PLEKHD1: variants seen among roughly 807,000 people sequenced by gnomAD.
PLEKHD1 encodes pleckstrin homology and coiled-coil domain containing D1, also known as pleckstrin homology domain-containing family D member 1.
PLEKHD1 carries 51 observed loss-of-function variants against 69.2 expected under a neutral mutation model. That is an observed-to-expected ratio of 0.74 (90% CI 0.59 to 0.93). The LOEUF is 0.93. Among genes scored for constraint, PLEKHD1 ranks in the 40% least tolerant of loss-of-function variants. The pLI is 0.00. For synonymous variants in PLEKHD1, 236 were observed against 244.7 expected (o/e 0.96, Z 0.33); for missense variants, 584 against 641.0 (o/e 0.91, Z 0.96).
chr14:69,470,500 C>T, the PLEKHD1 span, among the ~76,000 whole-genome samples: 314 of 151,632 alleles, frequency 2.1e-3, 1 homozygote, highest in African/African-American at 7.1e-3. Context: ...TTTGAATCCA[C>T]GTCTGTCTGA....
chr14:69,516,350 G>C (rs1056406008), intron 6 of PLEKHD1, among the ~76,000 whole-genome samples: 6 of 151,794 alleles, frequency 4.0e-5, no homozygotes, highest in Non-Finnish European at 8.8e-5. Context: ...CAAACTTTTT[G>C]GTGCTTTTCA....
chr14:69,501,893 G>T, intron 5 of PLEKHD1, 68 bp downstream of exon 5: 1 of 1,362,150 alleles, frequency 7.3e-7, no homozygotes, highest in Admixed American at 2.1e-5. Flanking sequence ...CCAGGGGCTT[G>T]GTAAAGGATG....
At chr14:69,494,771 G>T (rs987159345) in intron 1 of PLEKHD1, among the ~76,000 whole-genome samples, 1 of 152,206 alleles carries the variant, frequency 6.6e-6, no homozygotes, top group African/African-American at 2.4e-5. Context: ...AAGAGGAAGT[G>T]TACCTCTGTG....
intron 6 of PLEKHD1, among the ~76,000 whole-genome samples, chr14:69,515,428 A>T (rs1433859319): frequency 6.6e-6 from 1 of 152,162 alleles, no homozygotes; most frequent in Admixed American, 6.5e-5. Flanking sequence ...ACTGGTTCCC[A>T]TGGAGGTTTC....
In PLEKHD1 at chr14:69,502,820, T is replaced by G; in HGVS notation, c.503-7T>G. 1 of 1,551,560 alleles carries G rather than the reference T, an allele frequency of 6.4e-7. No homozygotes were observed. Among genetic ancestry groups the G allele is most frequent in the Non-Finnish European group, 8.7e-7 (1 of 1,146,932 alleles). Reference sequence around the variant, plus strand: ...GTGCATGTGTGTGTGTGTGCTTGTTTTGGCAGACAAACTGATGGAAGAGAC... The same window carrying G: ...GTGCATGTGTGTGTGTGTGCTTGTTGTGGCAGACAAACTGATGGAAGAGAC... On this transcript the variant is annotated splice_region_variant and splice_polypyrimidine_tract_variant and intron_variant, in intron 5 of 12. Transcript: ENST00000322564.
upstream of PLEKHD1, among the ~76,000 whole-genome samples, chr14:69,480,317 C>G (rs2139484157): frequency 6.6e-6 from 1 of 152,348 alleles, no homozygotes; most frequent in Admixed American, 6.5e-5. Flanking sequence ...GCTTCTTGGC[C>G]CCTCAGGGAT....
upstream of PLEKHD1, among the ~76,000 whole-genome samples, chr14:69,481,184 G>A (rs1372063267): frequency 6.6e-6 from 1 of 152,214 alleles, no homozygotes; most frequent in African/African-American, 2.4e-5. Flanking sequence ...ATAGCAGGAT[G>A]TGGTGGCGTG....
At chr14:69,473,713 C>T in the PLEKHD1 span, among the ~76,000 whole-genome samples, 104 of 152,198 alleles carry the variant, frequency 6.8e-4, no homozygotes, top group African/African-American at 2.5e-3. Context: ...TGAGGAATCC[C>T]GACAAATTCA....
intron 1 of PLEKHD1, among the ~76,000 whole-genome samples, chr14:69,495,141 C>A (rs1195992533): frequency 6.6e-6 from 1 of 152,200 alleles, no homozygotes; most frequent in South Asian, 2.1e-4. Context: ...CCTTCCTTCC[C>A]CTGCCCCTCT....
chr14:69,471,256 C>T, the PLEKHD1 span, among the ~76,000 whole-genome samples: 5 of 151,914 alleles, frequency 3.3e-5, no homozygotes, highest in East Asian at 9.7e-4. Context: ...CAGGCACACA[C>T]CACCACTCCC....
At chr14:69,500,982 T>G in intron 4 of PLEKHD1, 35 bp downstream of exon 4, 2 of 1,546,976 alleles carry the variant, frequency 1.3e-6, no homozygotes, top group Non-Finnish European at 1.7e-6. Flanking sequence ...AGCCTGCAGA[T>G]CCAGGATGGG....
At chr14:69,523,472 G>A (rs1326380019) in intron 7 of PLEKHD1, among the ~76,000 whole-genome samples, 1 of 152,120 alleles carries the variant, frequency 6.6e-6, no homozygotes, top group Non-Finnish European at 1.5e-5. Context: ...TAAGTAAATA[G>A]CCAAGCACCT....
chr14:69,501,831 C>T lies in PLEKHD1; in HGVS notation c.502+6C>T, dbSNP rs113493633. 0.022 allele frequency: 33,571 copies of T among 1,548,484 alleles called. 418 individuals carry two copies. The highest frequency in any genetic ancestry group is 0.034 in the African/African-American group (2,519 of 73,062). On this transcript the variant is annotated splice_donor_region_variant and intron_variant, in intron 5 of 12. Coordinates refer to ENST00000322564, the MANE Select transcript of PLEKHD1 (RefSeq NM_001161498.2). ...GGAAAAGCAGGAGTATTTAGGTTGG[C>T]TGGAGGGGTGGTTCCCTAATGGTAG... is the stretch of plus-strand genomic sequence containing the variant.
the PLEKHD1 span, among the ~76,000 whole-genome samples, chr14:69,472,774 C>G: frequency 1.6e-4 from 24 of 152,192 alleles, no homozygotes; most frequent in Non-Finnish European, 3.2e-4. Flanking sequence ...TGTAAGTGCA[C>G]TCTATGGCAG....
At chr14:69,474,421 TC>T in the PLEKHD1 span, among the ~76,000 whole-genome samples, 1 of 152,326 alleles carries the variant, frequency 6.6e-6, no homozygotes, top group Middle Eastern at 3.4e-3. Flanking sequence ...TTCTGCTAAC[TC>T]CGAATTTTTA....
intron 7 of PLEKHD1, among the ~76,000 whole-genome samples, chr14:69,523,152 C>T (rs531588576): frequency 6.6e-6 from 1 of 152,234 alleles, no homozygotes; most frequent in South Asian, 2.1e-4. Flanking sequence ...AGACTGGTCG[C>T]CAACACCTGT....
At chr14:69,495,334 T>G (rs1361896054) in intron 1 of PLEKHD1, among the ~76,000 whole-genome samples, 1 of 152,152 alleles carries the variant, frequency 6.6e-6, no homozygotes, top group Non-Finnish European at 1.5e-5. Context: ...CAATCTGCCC[T>G]CAACACAGCA....
Position 69,526,733 on chromosome 14 carries a change from G to A in PLEKHD1, c.960G>A (p.Glu320=), listed in dbSNP as rs1450567031. Residue 320 remains glutamate (E), a synonymous_variant, in exon 10 of 13, where the codon GAG becomes GAA. Transcript: ENST00000322564. ...ACGAGGAGCGCTCACGGGCCCTGGAGGAGGAGCGTGAGTTCTACTCCAGCC... is the reference window on the plus strand; with the variant it reads ...ACGAGGAGCGCTCACGGGCCCTGGAAGAGGAGCGTGAGTTCTACTCCAGCC... The part of the protein sequence containing the change: ...KENEERSRAL[E]EEREFYSSQS... 1.3e-6 allele frequency: 2 copies of A among 1,547,228 alleles called. No homozygotes were observed. Among genetic ancestry groups the A allele is most frequent in the Non-Finnish European group, 1.7e-6 (2 of 1,144,742 alleles).
In PLEKHD1 at chr14:69,484,893, C is replaced by T; in HGVS notation, c.-73C>T. 6.6e-7 allele frequency: 1 copy of T among 1,505,058 alleles called. No individual in the cohort carries two copies. 93.2% of individuals were successfully genotyped at this position (1,505,058 alleles called of 1,614,324 possible). On this transcript the variant is annotated 5_prime_UTR_variant, in exon 1 of 13. Coordinates refer to ENST00000322564, the MANE Select transcript of PLEKHD1 (RefSeq NM_001161498.2). ...GGACGCTCTCCGACGGCTCCGCCCT[C>T]GCCTCTCGCCCCGAGTCCCTGCTGA...
Sources: allele counts gnomAD v4.1 joint callset (sites outside exome capture counted in the v4.1 genomes callset), GRCh38; gene constraint gnomAD v4.1.1; transcripts MANE v1.5; gene names NCBI Gene and HGNC (gene_info 2026-07-23, HGNC 2026-07-21).